Variants in DCC observed in about 807,000 individuals in gnomAD.
DCC encodes netrin receptor DCC.
Under a neutral mutation model 172.5 loss-of-function variants are expected in DCC, and 58 were observed. The observed-to-expected ratio is 0.34, with a 90% CI of 0.27 to 0.42. The LOEUF (loss-of-function observed/expected upper bound fraction) is 0.42. Ranked by LOEUF, DCC falls within the 10% of genes least tolerant of loss-of-function variation. The pLI is 1.00. For missense variants in DCC, 1,740 were observed against 1,791.0 expected, an observed-to-expected ratio of 0.97 and a Z score of 0.51; for synonymous variants, 709 against 644.5, an observed-to-expected ratio of 1.10 and a Z score of -1.52.
At chr18:53,470,763 T>A (rs1405889953) in intron 25 of DCC, among the ~76,000 whole-genome samples, 1 of 151,996 alleles carries the variant, frequency 6.6e-6, no homozygotes, top group Non-Finnish European at 1.5e-5. Flanking sequence ...GAGCCCCATA[T>A]AAAACCACCA....
chr18:53,175,837 C>T (rs1160733910), intron 8 of DCC, among the ~76,000 whole-genome samples: 1 of 152,044 alleles, frequency 6.6e-6, no homozygotes, highest in African/African-American at 2.4e-5. Context: ...CTTTAAAGTT[C>T]ATATGGAACC....
chr18:53,078,692 A>T (rs780318388), intron 7 of DCC, among the ~76,000 whole-genome samples: 1 of 152,192 alleles, frequency 6.6e-6, no homozygotes, highest in African/African-American at 2.4e-5. Flanking sequence ...CAGCCTAAAT[A>T]GTATAGGCAA....
chr18:53,418,159 C>A (rs1024589405), intron 21 of DCC, among the ~76,000 whole-genome samples: 4 of 152,088 alleles, frequency 2.6e-5, no homozygotes, highest in African/African-American at 9.7e-5. Context: ...GTTAGTTGAT[C>A]AAGTTGATAG....
At chr18:53,343,775 A>C (rs982198018) in intron 15 of DCC, among the ~76,000 whole-genome samples, 1 of 152,158 alleles carries the variant, frequency 6.6e-6, no homozygotes, top group South Asian at 2.1e-4. Flanking sequence ...TAATGAAATC[A>C]TCTGGACCTG....
intron 1 of DCC, among the ~76,000 whole-genome samples, chr18:52,371,867 A>G (rs1386131191): frequency 6.6e-6 from 1 of 152,234 alleles, no homozygotes; most frequent in African/African-American, 2.4e-5. Flanking sequence ...GCCTCTGCCT[A>G]GTCCTGGCTG....
intron 1 of DCC, among the ~76,000 whole-genome samples, chr18:52,530,903 T>C (rs575975644): frequency 1.9e-4 from 29 of 152,308 alleles, no homozygotes; most frequent in Non-Finnish European, 4.0e-4. Context: ...CAGGCTTTAG[T>C]GACCTCAAAA....
chr18:53,133,397 CT>C (rs1344489355), intron 7 of DCC, among the ~76,000 whole-genome samples: 4 of 152,144 alleles, frequency 2.6e-5, no homozygotes, highest in African/African-American at 9.7e-5. Context: ...TTTTCTTTTG[CT>C]GATAACCCCT....
chr18:53,489,345 T>C (rs1213369924), intron 26 of DCC, among the ~76,000 whole-genome samples: 6 of 152,170 alleles, frequency 3.9e-5, no homozygotes, highest in Non-Finnish European at 8.8e-5. Context: ...CAAGTGACTG[T>C]TTAAAATAAA....
chr18:53,508,720 G>A (rs1398412235), intron 27 of DCC, among the ~76,000 whole-genome samples: 1 of 152,166 alleles, frequency 6.6e-6, no homozygotes, highest in Non-Finnish European at 1.5e-5. Flanking sequence ...CTGATAAGTT[G>A]AGCCCAGTGA....
intron 1 of DCC, among the ~76,000 whole-genome samples, chr18:52,425,935 G>C (rs904051786): frequency 1.3e-5 from 2 of 152,036 alleles, no homozygotes; most frequent in African/African-American, 2.4e-5. Flanking sequence ...AATATTCTCT[G>C]TCATCTTTGT....
In DCC at chr18:53,443,879, C is replaced by T. The variant is rs368168831; in HGVS notation, c.3230-6621C>T. ...TGATCGAAATCCCAGTAACTGCGAT[C>T]GAAATAGCAAGAGAGCCAGAATGAT... is the stretch of plus-strand genomic sequence containing the variant. On this transcript the variant is annotated intron_variant, in intron 22 of 28. Coordinates refer to ENST00000442544, the MANE Select transcript of DCC (RefSeq NM_005215.4). Among the ~76,000 whole-genome samples the T allele has an allele frequency of 2.7e-4, 41 of 152,222 alleles. 1 individual carries two copies. In the South Asian group the frequency reaches 8.1e-3, roughly 30 times the overall value.
intron 1 of DCC, among the ~76,000 whole-genome samples, chr18:52,528,590 C>A (rs990358723): frequency 6.6e-6 from 1 of 152,018 alleles, no homozygotes; most frequent in African/African-American, 2.4e-5. Flanking sequence ...GATCCATCAG[C>A]CCTGGTGACC....
At chr18:53,140,878 A>T (rs1032164422) in intron 7 of DCC, among the ~76,000 whole-genome samples, 6 of 152,198 alleles carry the variant, frequency 3.9e-5, no homozygotes, top group African/African-American at 1.4e-4. Flanking sequence ...AATAAATTGT[A>T]GTATCCTTCA....
chr18:53,464,768 G>A (rs1480079782), intron 24 of DCC, among the ~76,000 whole-genome samples: 1 of 151,676 alleles, frequency 6.6e-6, no homozygotes, highest in Non-Finnish European at 1.5e-5. Context: ...ATCACCTGAG[G>A]TTGGCAGCTT....
At chr18:53,090,836 A>T (rs549988937) in intron 7 of DCC, among the ~76,000 whole-genome samples, 1 of 150,740 alleles carries the variant, frequency 6.6e-6, no homozygotes, top group African/African-American at 2.4e-5. Flanking sequence ...CTTAGGACGT[A>T]GGACAATTTG....
At chr18:53,224,918 T>G (rs2056000218) in intron 12 of DCC, among the ~76,000 whole-genome samples, 1 of 152,134 alleles carries the variant, frequency 6.6e-6, no homozygotes, top group East Asian at 1.9e-4. Context: ...CCAGGAGATA[T>G]AAATTTAGGA....
intron 1 of DCC, among the ~76,000 whole-genome samples, chr18:52,515,753 A>G (rs973573292): frequency 7.3e-5 from 11 of 151,098 alleles, no homozygotes; most frequent in African/African-American, 2.4e-4. Flanking sequence ...GTCACTGGGT[A>G]ACATCAAAAT....
intron 25 of DCC, among the ~76,000 whole-genome samples, chr18:53,482,606 TTAA>T (rs1568160521): frequency 1.3e-5 from 2 of 152,074 alleles, no homozygotes; most frequent in Non-Finnish European, 2.9e-5. Context: ...GAAACATTTG[TTAA>T]TAATATTATT....
chr18:53,205,939 A>G (rs2055619202), intron 10 of DCC, among the ~76,000 whole-genome samples: 1 of 151,856 alleles, frequency 6.6e-6, no homozygotes, highest in Admixed American at 6.6e-5. Context: ...AACTAAAAGT[A>G]AAAAGGTCTT....
Sources: allele counts gnomAD v4.1 joint callset (sites outside exome capture counted in the v4.1 genomes callset), GRCh38; gene constraint gnomAD v4.1.1; transcripts MANE v1.5; gene names NCBI Gene and HGNC (gene_info 2026-07-23, HGNC 2026-07-21).